The following CCDC85A variants were observed in gnomAD, a reference collection of about 807,000 sequenced individuals.
The protein encoded by CCDC85A is coiled-coil domain-containing protein 85A.
Under a neutral mutation model 50.2 loss-of-function variants are expected in CCDC85A, and 38 were observed. The observed-to-expected ratio is 0.76, with a 90% CI of 0.58 to 0.99. CCDC85A has a LOEUF of 0.99. Among genes scored for constraint, CCDC85A ranks in the 50% least tolerant of loss-of-function variants. CCDC85A has a pLI of 0.00. For missense variants in CCDC85A, 820 were observed against 742.0 expected (o/e 1.11, Z -1.22); for synonymous variants, 366 against 301.4 (o/e 1.21, Z -2.22).
rs1018263309 is a variant in CCDC85A, at chr2:56,291,013, A to T, written c.1241-51866A>T. Among the ~76,000 whole-genome samples the T allele has an allele frequency of 3.9e-5, 6 of 152,192 alleles. No individual in the cohort carries two copies. The East Asian group carries it at 1.2e-3, about 29-fold the overall frequency. ...TTTTGCAGATTCATTTGACCATGTA[A>T]CTCTTTTGGGGGATTATTTGAAGAA... is the stretch of plus-strand genomic sequence containing the variant. On this transcript the variant is annotated intron_variant, in intron 2 of 5. Coordinates refer to ENST00000407595, the MANE Select transcript of CCDC85A (RefSeq NM_001080433.2).
intron 2 of CCDC85A, among the ~76,000 whole-genome samples, chr2:56,270,549 G>A (rs978003338): frequency 2.6e-5 from 4 of 152,198 alleles, no homozygotes; most frequent in East Asian, 3.8e-4. Flanking sequence ...ACCCCTGAGC[G>A]TAGCTGCTTT....
intron 2 of CCDC85A, among the ~76,000 whole-genome samples, chr2:56,309,483 T>G (rs1214589177): frequency 6.6e-6 from 1 of 152,204 alleles, no homozygotes; most frequent in Non-Finnish European, 1.5e-5. Flanking sequence ...TGTAAGATAT[T>G]GCTCAGAAAA....
At chr2:56,186,296 C>T (rs1277239502) in intron 1 of CCDC85A, among the ~76,000 whole-genome samples, 1 of 152,170 alleles carries the variant, frequency 6.6e-6, no homozygotes, top group Non-Finnish European at 1.5e-5. Context: ...GGAAGATGAT[C>T]TCAGAGGTGG....
intron 2 of CCDC85A, among the ~76,000 whole-genome samples, chr2:56,336,377 C>G (rs2104305814): frequency 6.6e-6 from 1 of 152,272 alleles, no homozygotes; most frequent in Middle Eastern, 3.4e-3. Flanking sequence ...TGATCTCGAA[C>G]TCCTGACCTC....
At chr2:56,274,884 A>G (rs1371469012) in intron 2 of CCDC85A, among the ~76,000 whole-genome samples, 1 of 152,126 alleles carries the variant, frequency 6.6e-6, no homozygotes, top group Admixed American at 6.5e-5. Context: ...TTCTCTGTGG[A>G]TTACAGATGG....
At position 56,208,992 on chromosome 2, in the gene CCDC85A, G is replaced by A. The variant is rs1041620628; in HGVS notation, c.1240+15552G>A. ...GATATCTTCATGTATACTGGCCCAG[G>A]GTCTGGTCTAACTCAAGCAGCCCAA... On this transcript the variant is annotated intron_variant, in intron 2 of 5. Transcript: ENST00000407595. 2.0e-5 allele frequency among the ~76,000 whole-genome samples: 3 copies of A among 151,972 alleles called. No homozygotes were observed. In the East Asian group the frequency reaches 5.8e-4, roughly 29 times the overall value.
At chr2:56,246,483 A>G (rs1669516250) in intron 2 of CCDC85A, among the ~76,000 whole-genome samples, 1 of 151,698 alleles carries the variant, frequency 6.6e-6, no homozygotes, top group South Asian at 2.1e-4. Flanking sequence ...TTTTCTTCTA[A>G]AAGTTTTATA....
In CCDC85A at chr2:56,192,497, G is replaced by C; in HGVS notation, c.297G>C (p.Gln99His). 1 of 1,612,240 alleles carries C rather than the reference G, an allele frequency of 6.2e-7. No homozygotes were observed. ...RGLKDINQKLQEDNQELRDLC... is the reference protein window; with the variant it reads ...RGLKDINQKLHEDNQELRDLC... ...TTCAGGATATCAACCAGAAACTCCAGGAAGACAACCAGGAACTGAGGGACC... is the reference window on the plus strand; with the variant it reads ...TTCAGGATATCAACCAGAAACTCCACGAAGACAACCAGGAACTGAGGGACC... Residue 99 changes from glutamine (Q) to histidine (H), a missense_variant, in exon 2 of 6, where the codon CAG (glutamine) becomes CAC (histidine). Gln to His is a conservative substitution (Grantham distance 24). Transcript: ENST00000407595. The surrounding 1 kb of genome is among the most constrained non-coding windows in gnomAD (Gnocchi z 4.7).
At chr2:56,373,931 G>A (rs1384573063) in intron 4 of CCDC85A, among the ~76,000 whole-genome samples, 1 of 152,128 alleles carries the variant, frequency 6.6e-6, no homozygotes, top group Non-Finnish European at 1.5e-5. Context: ...AAGTATAGAG[G>A]AAGAAGATGT....
intron 2 of CCDC85A, among the ~76,000 whole-genome samples, chr2:56,290,164 CTA>C (rs1671636968): frequency 6.6e-6 from 1 of 152,168 alleles, no homozygotes; most frequent in African/African-American, 2.4e-5. Context: ...TCCTCAAGCT[CTA>C]TGTCTGTAAT....
chr2:56,301,547 T>C (rs992990791), intron 2 of CCDC85A, among the ~76,000 whole-genome samples: 1 of 152,184 alleles, frequency 6.6e-6, no homozygotes, highest in African/African-American at 2.4e-5. Context: ...ACATGATTAA[T>C]ACCAAGTGAA....
intron 2 of CCDC85A, among the ~76,000 whole-genome samples, chr2:56,220,538 A>G (rs1470894388): frequency 6.6e-6 from 1 of 152,108 alleles, no homozygotes; most frequent in Non-Finnish European, 1.5e-5. Flanking sequence ...AACCACAGAC[A>G]GGGAGTGGTT....
chr2:56,187,883 G>A (rs1676122442), intron 1 of CCDC85A, among the ~76,000 whole-genome samples: 1 of 152,162 alleles, frequency 6.6e-6, no homozygotes. Flanking sequence ...CCCAGTTGGG[G>A]GCTGATTCGG....
chr2:56,235,080 A>C (rs965520298), intron 2 of CCDC85A: 3 of 152,236 alleles, frequency 2.0e-5, no homozygotes, highest in African/African-American at 7.2e-5. Flanking sequence ...AAAAGCTAAA[A>C]ATACCATCAG....
intron 2 of CCDC85A, among the ~76,000 whole-genome samples, chr2:56,233,600 A>G (rs770030080): frequency 6.6e-6 from 1 of 152,228 alleles, no homozygotes; most frequent in Non-Finnish European, 1.5e-5. Context: ...ATTTTACATC[A>G]TAAAATACTA....
intron 2 of CCDC85A, among the ~76,000 whole-genome samples, chr2:56,323,009 C>A (rs1397569381): frequency 1.3e-5 from 2 of 152,004 alleles, no homozygotes; most frequent in African/African-American, 4.8e-5. Context: ...ATGGATGAAA[C>A]TGGAAACCAT....
intron 2 of CCDC85A, among the ~76,000 whole-genome samples, chr2:56,299,234 C>T (rs558334997): frequency 2.0e-5 from 3 of 152,228 alleles, no homozygotes; most frequent in South Asian, 2.1e-4. Context: ...TTGGTAACTA[C>T]GATAACTGCA....
chr2:56,309,049 T>A (rs972070349), intron 2 of CCDC85A, among the ~76,000 whole-genome samples: 5 of 152,176 alleles, frequency 3.3e-5, no homozygotes, highest in African/African-American at 1.2e-4. Flanking sequence ...TCTATAGAAA[T>A]AATAGGAAAG....
intron 3 of CCDC85A, among the ~76,000 whole-genome samples, chr2:56,355,171 C>T (rs1055192445): frequency 6.6e-6 from 1 of 152,182 alleles, no homozygotes; most frequent in South Asian, 2.1e-4. Flanking sequence ...AGGATTGGAG[C>T]TCCCGAGTTT....
Sources: allele counts gnomAD v4.1 joint callset (sites outside exome capture counted in the v4.1 genomes callset), GRCh38; gene constraint gnomAD v4.1.1; non-coding constraint Gnocchi (gnomAD v3.1); transcripts MANE v1.5; gene names NCBI Gene and HGNC (gene_info 2026-07-23, HGNC 2026-07-21).